Variants in PAK1 observed in about 807,000 individuals in gnomAD.
PAK1 encodes p21 (RAC1) activated kinase 1.
A neutral mutation model predicts 67.4 loss-of-function variants in PAK1; 29 were observed. The ratio of observed to expected loss-of-function variants is 0.43; its 90% CI spans 0.32 to 0.59. PAK1 has a LOEUF of 0.59. Ranked by LOEUF, PAK1 falls within the 20% of genes least tolerant of loss-of-function variation. The pLI, the probability that PAK1 is intolerant of heterozygous loss-of-function variation, is 0.07. For missense variants in PAK1, 337 were observed against 670.7 expected, an observed-to-expected ratio of 0.50 and a Z score of 5.50; for synonymous variants, 223 against 237.4, an observed-to-expected ratio of 0.94 and a Z score of 0.56.
At chr11:77,466,295 A>C (rs770268366) in intron 1 of PAK1, among the ~76,000 whole-genome samples, 17 of 152,200 alleles carry the variant, frequency 1.1e-4, no homozygotes, top group Non-Finnish European at 2.2e-4. Flanking sequence ...GTGGTTACAC[A>C]GTAATAATTT....
At chr11:77,517,781 A>G in the PAK1 span, among the ~76,000 whole-genome samples, 1 of 152,210 alleles carries the variant, frequency 6.6e-6, no homozygotes, top group Non-Finnish European at 1.5e-5. Flanking sequence ...GCAACTAGAC[A>G]GTCCTATCTG....
chr11:77,475,364 A>G (rs540616392), upstream of PAK1: 17 of 151,986 alleles, frequency 1.1e-4, no homozygotes, highest in Non-Finnish European at 1.9e-4. Flanking sequence ...AACTCAATCT[A>G]TTTTTCTCAC....
chr11:77,325,239 G>T, intron 14 of PAK1: 2 of 1,523,204 alleles, frequency 1.3e-6, no homozygotes. Flanking sequence ...GCTTCCAGTT[G>T]TGATACTCTT....
intron 1 of PAK1, among the ~76,000 whole-genome samples, chr11:77,471,484 C>A (rs1453524162): frequency 6.6e-6 from 1 of 152,232 alleles, no homozygotes; most frequent in East Asian, 1.9e-4. Flanking sequence ...TCATTCTATG[C>A]AGGAAAAGGA....
chr11:77,406,793 A>G (rs574966050), intron 1 of PAK1, among the ~76,000 whole-genome samples: 24 of 152,170 alleles, frequency 1.6e-4, no homozygotes, highest in African/African-American at 5.1e-4. Context: ...AGGAAAAAAA[A>G]GAGTAGACAC....
chr11:77,412,078 G>A (rs1189373501), intron 1 of PAK1: 1 of 152,252 alleles, frequency 6.6e-6, no homozygotes, highest in African/African-American at 2.4e-5. Flanking sequence ...CTGAGGGCGG[G>A]GAGACAGCTA....
intron 1 of PAK1, among the ~76,000 whole-genome samples, chr11:77,469,763 A>C (rs574570404): frequency 1.4e-3 from 213 of 152,136 alleles, no homozygotes; most frequent in Non-Finnish European, 2.3e-3. Flanking sequence ...AATGTTTTTA[A>C]ATTTTTTATT....
the PAK1 span, among the ~76,000 whole-genome samples, chr11:77,500,952 A>T: frequency 6.6e-6 from 1 of 152,016 alleles, no homozygotes; most frequent in Non-Finnish European, 1.5e-5. Context: ...GCAGATCCAC[A>T]TTCAAAACTT....
In PAK1 at chr11:77,358,938, G is replaced by A. The variant is rs768350096; in HGVS notation, c.557C>T (p.Pro186Leu). The stretch of plus-strand genomic sequence containing the variant: ...TGGGCGTGGAGCAATCACTGGTGGT[G>A]GGGTAGCATCATCATCATCATCATC... ...DEDDDDDDAT[P>L]PPVIAPRPEH... Residue 186 changes from proline (P) to leucine (L), a missense_variant, in exon 6 of 15, where the codon CCA becomes CTA. Coordinates refer to ENST00000356341, the MANE Select transcript of PAK1 (RefSeq NM_002576.5). 1.9e-5 allele frequency: 31 copies of A among 1,613,494 alleles called. No individual in the cohort carries two copies. The highest frequency in any genetic ancestry group is 5.0e-5 in the Admixed American group (3 of 59,978).
rs142485214 is a variant in PAK1 at position 77,342,638 on chromosome 11, T to C, written c.998+1181A>G. 5.1e-3 allele frequency among the ~76,000 whole-genome samples: 772 copies of C among 152,304 alleles called. 9 individuals carry two copies. The highest frequency in any genetic ancestry group is 3.5e-3 in the Non-Finnish European group (235 of 68,024). Reference sequence around the variant, plus strand: ...GACCCACATTAAGGAGACACAGCCATCTCAAAGAAGAAGGCTTTATTCTTT... The same window carrying C: ...GACCCACATTAAGGAGACACAGCCACCTCAAAGAAGAAGGCTTTATTCTTT... On this transcript the variant is annotated intron_variant, in intron 10 of 14. Coordinates refer to ENST00000356341, the MANE Select transcript of PAK1 (RefSeq NM_002576.5).
intron 10 of PAK1, among the ~76,000 whole-genome samples, chr11:77,341,901 T>C (rs1452629090): frequency 6.6e-6 from 1 of 152,222 alleles, no homozygotes; most frequent in East Asian, 1.9e-4. Context: ...TTCTGATTTA[T>C]AATTTTTTAA....
At chr11:77,490,542 T>C in the PAK1 span, among the ~76,000 whole-genome samples, 13 of 145,588 alleles carry the variant, frequency 8.9e-5, no homozygotes, top group Non-Finnish European at 1.7e-4. Flanking sequence ...CCGCCCCGTC[T>C]GGGAGGTGAG....
At chr11:77,334,351 C>A (rs1377220972) in intron 13 of PAK1, among the ~76,000 whole-genome samples, 2 of 152,016 alleles carry the variant, frequency 1.3e-5, no homozygotes, top group Non-Finnish European at 2.9e-5. Flanking sequence ...AGGATAGAAA[C>A]TACAGAAGGT....
chr11:77,486,214 A>C, the PAK1 span, among the ~76,000 whole-genome samples: 1 of 152,132 alleles, frequency 6.6e-6, no homozygotes, highest in Non-Finnish European at 1.5e-5. Flanking sequence ...AAAGTTGACT[A>C]TTGCAGGCCG....
At chr11:77,494,595 A>G in the PAK1 span, among the ~76,000 whole-genome samples, 1 of 152,040 alleles carries the variant, frequency 6.6e-6, no homozygotes, top group Non-Finnish European at 1.5e-5. Context: ...ACTATTAAAA[A>G]AAAAAAAAAA....
intron 1 of PAK1, among the ~76,000 whole-genome samples, chr11:77,467,350 G>T (rs1372937038): frequency 2.0e-5 from 3 of 152,118 alleles, no homozygotes; most frequent in Non-Finnish European, 4.4e-5. Flanking sequence ...TAGTGTAATT[G>T]TCTATGCACA....
At chr11:77,513,043 T>C in the PAK1 span, among the ~76,000 whole-genome samples, 7 of 152,270 alleles carry the variant, frequency 4.6e-5, no homozygotes, top group East Asian at 1.4e-3. Context: ...TGAGCTATGA[T>C]GGCGCCACTG....
At chr11:77,457,136 T>C (rs913351164) in intron 1 of PAK1, among the ~76,000 whole-genome samples, 7 of 152,200 alleles carry the variant, frequency 4.6e-5, no homozygotes, top group African/African-American at 1.4e-4. Flanking sequence ...AGTCAGGAAA[T>C]GGCAGGGCCA....
At chr11:77,349,711 T>C (rs747356206) in intron 8 of PAK1, among the ~76,000 whole-genome samples, 8 of 152,092 alleles carry the variant, frequency 5.3e-5, no homozygotes, top group Non-Finnish European at 1.2e-4. Flanking sequence ...TTCTCTCCTC[T>C]CCTCCATCAC....
Sources: allele counts gnomAD v4.1 joint callset (sites outside exome capture counted in the v4.1 genomes callset), GRCh38; gene constraint gnomAD v4.1.1; transcripts MANE v1.5; gene names NCBI Gene and HGNC (gene_info 2026-07-23, HGNC 2026-07-21).